PDLIM1: variants seen among roughly 807,000 people sequenced by gnomAD.
PDLIM1 encodes the protein PDZ and LIM domain protein 1.
PDLIM1 carries 25 observed loss-of-function variants against 35.2 expected under a neutral mutation model. The ratio of observed to expected loss-of-function variants is 0.71; its 90% confidence interval spans 0.52 to 0.99. PDLIM1 has a LOEUF of 0.99. Among genes scored for constraint, PDLIM1 ranks in the 50% least tolerant of loss-of-function variants. The pLI is 0.00. For missense variants in PDLIM1, 363 were observed against 415.3 expected, an observed-to-expected ratio of 0.87 and a Z score of 1.09; for synonymous variants, 152 against 154.0, an observed-to-expected ratio of 0.99 and a Z score of 0.10.
At chr10:95,253,713 G>C (rs181576333) in intron 4 of PDLIM1, among the ~76,000 whole-genome samples, 64 of 150,718 alleles carry the variant, frequency 4.2e-4, no homozygotes, top group Admixed American at 4.2e-3. Context: ...GAACCCATAA[G>C]CAAAAATATG....
intron 4 of PDLIM1, among the ~76,000 whole-genome samples, chr10:95,258,291 T>A (rs1379360699): frequency 4.7e-5 from 7 of 148,606 alleles, no homozygotes; most frequent in South Asian, 2.2e-4. Context: ...GAAAAAAAAA[T>A]GGGATATTAT....
chr10:95,268,717 G>A, intron 3 of PDLIM1, 61 bp downstream of exon 3: 1 of 1,029,580 alleles, frequency 9.7e-7, no homozygotes, highest in South Asian at 1.3e-5. Flanking sequence ...GTGCTGAGCA[G>A]TGTCAGAAAC....
intron 6 of PDLIM1, 108 bp from the exon 7 acceptor site, chr10:95,238,219 A>C: frequency 1.0e-6 from 1 of 980,224 alleles, no homozygotes; most frequent in Non-Finnish European, 1.5e-6. Context: ...GCTTCTCCCC[A>C]GGAACCCATC....
At chr10:95,264,698 C>T (rs929631724) in intron 3 of PDLIM1, among the ~76,000 whole-genome samples, 5 of 152,068 alleles carry the variant, frequency 3.3e-5, no homozygotes, top group Non-Finnish European at 7.4e-5. Context: ...GTTACAGGGG[C>T]GGTACCCAGC....
At chr10:95,268,650 C>A in intron 3 of PDLIM1, 128 bp downstream of exon 3, 1 of 697,068 alleles carries the variant, frequency 1.4e-6, no homozygotes. Flanking sequence ...AGCCAGATAC[C>A]AGCAGAGACA....
intron 4 of PDLIM1, among the ~76,000 whole-genome samples, chr10:95,256,982 A>AGAAAGAAAGAAAGAAAGAAAGAAAG: frequency 3.2e-5 from 1 of 31,044 alleles, no homozygotes; most frequent in East Asian, 9.1e-4. Context: ...CTTAAAAAAA[A>AGAAAGAAAGAAAGAAAGAAAGAAAG]AAAAAAAGAA....
At position 95,284,448 on chromosome 10, in the gene PDLIM1, A is replaced by G. The variant is rs577291686; in HGVS notation, c.96+6372T>C. On this transcript the variant is annotated intron_variant, in intron 1 of 6. Coordinates refer to ENST00000329399, the MANE Select transcript of PDLIM1 (RefSeq NM_020992.4). ...AACTCACTGCAACCTCCGCCTCCCA[A>G]GTTAGAGCAATTCTCCTGCCTCAGC... is the stretch of plus-strand genomic sequence containing the variant. Among the ~76,000 whole-genome samples the G allele has an allele frequency of 2.9e-3, 436 of 152,056 alleles. 1 individual carries two copies. Among genetic ancestry groups the G allele is most frequent in the Non-Finnish European group, 4.0e-3 (271 of 67,980 alleles).
intron 5 of PDLIM1, among the ~76,000 whole-genome samples, chr10:95,245,730 T>C (rs2035213594): frequency 6.6e-6 from 1 of 152,190 alleles, no homozygotes; most frequent in Non-Finnish European, 1.5e-5. Flanking sequence ...AACAGTATCA[T>C]TTTAGCATAA....
At chr10:95,262,719 T>A (rs1224570062) in intron 4 of PDLIM1, among the ~76,000 whole-genome samples, 1 of 151,520 alleles carries the variant, frequency 6.6e-6, no homozygotes, top group Admixed American at 6.6e-5. Context: ...CTACAGAGAA[T>A]TGGCCCCATC....
chr10:95,257,443 T>TA (rs944159358), intron 4 of PDLIM1, among the ~76,000 whole-genome samples: 92 of 150,402 alleles, frequency 6.1e-4, no homozygotes, highest in African/African-American at 1.2e-3. Context: ...CCAGAATATA[T>TA]AAAAAAAAAC....
At chr10:95,284,520 A>G (rs970290255) in intron 1 of PDLIM1, among the ~76,000 whole-genome samples, 3 of 152,046 alleles carry the variant, frequency 2.0e-5, no homozygotes, top group Non-Finnish European at 2.9e-5. Context: ...CGCCTGGCTA[A>G]TTTTTGAATT....
At chr10:95,262,893 G>A (rs774886217) in intron 4 of PDLIM1, among the ~76,000 whole-genome samples, 3 of 152,086 alleles carry the variant, frequency 2.0e-5, no homozygotes, top group Non-Finnish European at 4.4e-5. Flanking sequence ...CTGTAATCCC[G>A]GAAATTTGGG....
intron 5 of PDLIM1, among the ~76,000 whole-genome samples, chr10:95,239,548 C>A (rs980417346): frequency 6.6e-6 from 1 of 152,154 alleles, no homozygotes; most frequent in African/African-American, 2.4e-5. Context: ...GTAATCCCAA[C>A]ACTTTGGGAG....
In PDLIM1 at chr10:95,290,955, G is replaced by A. The variant is rs776122395; in HGVS notation, c.-40C>T. ...GGGCGACGACCCGCGGGGACAGACG[G>A]GCAGGACGCGCGGAACAGCTTGCAG... is the stretch of plus-strand genomic sequence containing the variant. On this transcript the variant is annotated 5_prime_UTR_variant, in exon 1 of 7. Coordinates refer to ENST00000329399, the MANE Select transcript of PDLIM1 (RefSeq NM_020992.4). This position sits in a 1 kb window ranked among gnomAD's most constrained non-coding sequence, Gnocchi z 4.7. The A allele has an allele frequency of 9.9e-5, 133 of 1,341,232 alleles. No individual in the cohort carries two copies. Among genetic ancestry groups the A allele is most frequent in the Non-Finnish European group, 1.2e-4 (114 of 973,472 alleles). The allele number at this position is 1,341,232 out of a possible 1,614,324, so 83.1% of individuals were successfully genotyped here.
chr10:95,246,382 T>C (rs2035221883), intron 5 of PDLIM1, among the ~76,000 whole-genome samples: 1 of 152,246 alleles, frequency 6.6e-6, no homozygotes, highest in South Asian at 2.1e-4. Context: ...CACTTAAACA[T>C]GATCATAATA....
At chr10:95,239,278 C>T (rs1454746227) in intron 5 of PDLIM1, among the ~76,000 whole-genome samples, 2 of 152,158 alleles carry the variant, frequency 1.3e-5, no homozygotes, top group African/African-American at 4.8e-5. Context: ...CCATTCAGGA[C>T]ATGGGCATGG....
intron 4 of PDLIM1, among the ~76,000 whole-genome samples, chr10:95,249,900 G>A (rs10882573): frequency 0.16 from 24,997 of 152,124 alleles, 2,320 homozygotes; most frequent in Admixed American, 0.23. Context: ...CACTCCGGCC[G>A]GCTGCATTTG....
rs548544561 is a variant in PDLIM1, at chr10:95,239,953, G to A, written c.686-1268C>T. Among the ~76,000 whole-genome samples the A allele has an allele frequency of 5.3e-5, 8 of 152,066 alleles. No homozygotes were observed. The South Asian group carries it at 1.5e-3, about 28-fold the overall frequency. ...AAACCACAATGAGATACCGACTCAC[G>A]CCAGTCTGAATGGCTATTATTAAAA... On this transcript the variant is annotated intron_variant, in intron 5 of 6. Transcript: ENST00000329399.
At chr10:95,287,620 T>G (rs2035613662) in intron 1 of PDLIM1, among the ~76,000 whole-genome samples, 1 of 152,034 alleles carries the variant, frequency 6.6e-6, no homozygotes, top group Non-Finnish European at 1.5e-5. Flanking sequence ...CTCTGAAGGC[T>G]TCCCTTGAAA....
Sources: allele counts gnomAD v4.1 joint callset (sites outside exome capture counted in the v4.1 genomes callset), GRCh38; gene constraint gnomAD v4.1.1; non-coding constraint Gnocchi (gnomAD v3.1); transcripts MANE v1.5; gene names NCBI Gene and HGNC (gene_info 2026-07-23, HGNC 2026-07-21).